UVRAG: variants seen among roughly 807,000 people sequenced by gnomAD.
UVRAG encodes UV radiation resistance associated, also known as UV radiation resistance-associated gene protein.
UVRAG carries 19 observed loss-of-function variants against 78.0 expected under a neutral mutation model. The ratio of observed to expected loss-of-function variants is 0.24; its 90% CI spans 0.17 to 0.36. UVRAG has a LOEUF of 0.36. Among genes scored for constraint, UVRAG ranks in the 10% least tolerant of loss-of-function variants. UVRAG has a pLI of 1.00. For missense variants in UVRAG, 740 were observed against 853.8 expected, an observed-to-expected ratio of 0.87 and a Z score of 1.66; for synonymous variants, 323 against 324.6, an observed-to-expected ratio of 1.00 and a Z score of 0.05.
intron 1 of UVRAG, among the ~76,000 whole-genome samples, chr11:75,840,161 T>TA (rs1245317141): frequency 1.4e-4 from 21 of 152,146 alleles, no homozygotes; most frequent in Non-Finnish European, 2.8e-4. Context: ...ATTTTGATCT[T>TA]ATGTTTCTAA....
rs146741551 is a variant in UVRAG at position 76,046,039 on chromosome 11, A to G, written c.1227-19671A>G. Among the ~76,000 whole-genome samples the G allele has an allele frequency of 6.5e-3, 986 of 152,318 alleles. 7 individuals carry two copies. The highest frequency in any genetic ancestry group is 9.9e-3 in the Non-Finnish European group (671 of 68,020). On this transcript the variant is annotated intron_variant, in intron 12 of 14. Transcript: ENST00000356136. ...GAGAAAAAAAAATACATACAAAGGA[A>G]TAGGAGTCATAATATCCGACTCCTC...
At chr11:76,040,588 G>C (rs749123546) in intron 12 of UVRAG, among the ~76,000 whole-genome samples, 1 of 151,730 alleles carries the variant, frequency 6.6e-6, no homozygotes, top group Non-Finnish European at 1.5e-5. Context: ...ACGGAGTTTT[G>C]CTCTGTTGCC....
At chr11:75,877,149 G>C (rs1029712845) in intron 3 of UVRAG, among the ~76,000 whole-genome samples, 2 of 151,794 alleles carry the variant, frequency 1.3e-5, no homozygotes, top group African/African-American at 4.9e-5. Context: ...ATGTTTCAGA[G>C]AGCACAGGGT....
intron 6 of UVRAG, among the ~76,000 whole-genome samples, chr11:75,944,888 A>G (rs1200720884): frequency 6.6e-6 from 1 of 152,176 alleles, no homozygotes; most frequent in Non-Finnish European, 1.5e-5. Context: ...TATGGGCAAC[A>G]GTCTGAGTAA....
intron 7 of UVRAG, among the ~76,000 whole-genome samples, chr11:75,973,190 T>G (rs1464619662): frequency 1.3e-5 from 2 of 152,236 alleles, no homozygotes; most frequent in Non-Finnish European, 2.9e-5. Context: ...GTAGATGTTC[T>G]TTACCAGTTA....
intron 8 of UVRAG, among the ~76,000 whole-genome samples, chr11:75,986,890 T>G (rs989506537): frequency 6.6e-6 from 1 of 152,198 alleles, no homozygotes; most frequent in Non-Finnish European, 1.5e-5. Flanking sequence ...TTCATTTGTT[T>G]AGCGTAATAT....
In UVRAG at chr11:76,141,327, G is replaced by T; in HGVS notation, c.2014G>T (p.Glu672Ter). 1 of 1,614,222 alleles carries T rather than the reference G, an allele frequency of 6.2e-7. No individual in the cohort carries two copies. Among genetic ancestry groups the T allele is most frequent in the Non-Finnish European group, 8.5e-7 (1 of 1,180,056 alleles). The change falls in exon 15 of 15, where the codon GAA (glutamate) becomes TAA (stop). Residue 672 changes from glutamate (E) to a stop codon, truncating the protein, a stop_gained. Coordinates refer to ENST00000356136, the MANE Select transcript of UVRAG (RefSeq NM_003369.4). LOFTEE classifies it high-confidence loss of function. ...AVECDEQVLG[E>*]FEEFSRRIYA... ...AGAGTGTGACGAACAAGTTCTGGGA[G>T]AATTTGAAGAGTTCTCCCGAAGGAT... is the stretch of plus-strand genomic sequence containing the variant.
intron 1 of UVRAG, among the ~76,000 whole-genome samples, chr11:75,840,223 C>T (rs1457527102): frequency 6.6e-6 from 1 of 151,410 alleles, no homozygotes; most frequent in Non-Finnish European, 1.5e-5. Context: ...TTCATGTGTA[C>T]AAACTCTAGT....
At chr11:75,989,342 C>G (rs1375980837) in intron 8 of UVRAG, among the ~76,000 whole-genome samples, 1 of 152,164 alleles carries the variant, frequency 6.6e-6, no homozygotes, top group Non-Finnish European at 1.5e-5. Flanking sequence ...AGCTACCATG[C>G]CCGGCCACTT....
At chr11:75,865,659 G>A (rs1234665985) in intron 3 of UVRAG, among the ~76,000 whole-genome samples, 2 of 151,084 alleles carry the variant, frequency 1.3e-5, no homozygotes, top group Admixed American at 6.6e-5. Flanking sequence ...TTGTCGCCCA[G>A]GCTGGGGTGC....
At chr11:76,073,276 C>G (rs1033257893) in intron 13 of UVRAG, among the ~76,000 whole-genome samples, 1 of 152,110 alleles carries the variant, frequency 6.6e-6, no homozygotes, top group South Asian at 2.1e-4. Flanking sequence ...CATGTGCAAT[C>G]GAGTTGCTAA....
chr11:76,020,255 C>T (rs79899157), intron 12 of UVRAG, among the ~76,000 whole-genome samples: 7 of 152,048 alleles, frequency 4.6e-5, no homozygotes, highest in Admixed American at 6.6e-5. Flanking sequence ...GACCAGGACA[C>T]GTCCAGAAAT....
chr11:75,982,767 C>CT, intron 7 of UVRAG, among the ~76,000 whole-genome samples: 1 of 152,286 alleles, frequency 6.6e-6, no homozygotes, highest in East Asian at 1.9e-4. Context: ...AGTGTGTGGC[C>CT]TTTTAAAACT....
chr11:76,034,569 A>C (rs559906687), intron 12 of UVRAG, among the ~76,000 whole-genome samples: 1 of 151,998 alleles, frequency 6.6e-6, no homozygotes, highest in African/African-American at 2.4e-5. Context: ...CTCTGTACCT[A>C]GCTTCTTTCT....
intron 6 of UVRAG, among the ~76,000 whole-genome samples, chr11:75,934,481 C>T (rs912233099): frequency 6.6e-6 from 1 of 152,090 alleles, no homozygotes; most frequent in African/African-American, 2.4e-5. Context: ...TTTAATTCTA[C>T]ATTTAAAAAT....
intron 12 of UVRAG, among the ~76,000 whole-genome samples, chr11:76,021,007 A>C (rs548574313): frequency 9.9e-5 from 15 of 152,124 alleles, no homozygotes; most frequent in Non-Finnish European, 1.8e-4. Flanking sequence ...AGCAGCACTG[A>C]GTTGAATGCA....
chr11:75,903,109 C>T (rs763746385), intron 5 of UVRAG, among the ~76,000 whole-genome samples: 3 of 151,894 alleles, frequency 2.0e-5, no homozygotes, highest in Non-Finnish European at 4.4e-5. Flanking sequence ...TCCTCCTCCT[C>T]TCTCTTTTTC....
chr11:75,857,457 G>A (rs554645927), intron 2 of UVRAG, among the ~76,000 whole-genome samples: 3 of 151,794 alleles, frequency 2.0e-5, no homozygotes, highest in South Asian at 4.2e-4. Flanking sequence ...CACGTGACTA[G>A]TGCTTCCACC....
intron 13 of UVRAG, among the ~76,000 whole-genome samples, chr11:76,115,081 A>G (rs1203225200): frequency 1.3e-5 from 2 of 152,236 alleles, no homozygotes; most frequent in African/African-American, 2.4e-5. Flanking sequence ...ATGCACATCC[A>G]CTTACTTCGG....
Sources: gnomAD v4.1 joint callset for allele counts (sites outside exome capture counted in the v4.1 genomes callset) on GRCh38, gnomAD v4.1.1 for gene constraint, MANE v1.5 for transcripts, NCBI Gene and HGNC (gene_info 2026-07-23, HGNC 2026-07-21) for gene names.